SPATA22: variants seen among roughly 807,000 people sequenced by gnomAD.
SPATA22 encodes the protein spermatogenesis associated 22.
A neutral mutation model predicts 47.8 loss-of-function variants in SPATA22; 29 were observed. The ratio of observed to expected loss-of-function variants is 0.61; its 90% confidence interval spans 0.45 to 0.83. SPATA22 has a LOEUF of 0.83. Ranked by LOEUF, SPATA22 falls within the 40% of genes least tolerant of loss-of-function variation. The pLI, the probability that SPATA22 is intolerant of heterozygous loss-of-function variation, is 0.00. For missense variants in SPATA22, 410 were observed against 421.7 expected (o/e 0.97, Z 0.24); for synonymous variants, 133 against 140.9 (o/e 0.94, Z 0.40).
At chr17:3,470,942 G>A (rs943881158) in intron 1 of SPATA22, among the ~76,000 whole-genome samples, 2 of 151,574 alleles carry the variant, frequency 1.3e-5, no homozygotes, top group Admixed American at 6.6e-5. Flanking sequence ...GTCACCTGAG[G>A]TCGGGAGTTC....
intron 1 of SPATA22, among the ~76,000 whole-genome samples, chr17:3,498,128 T>C (rs1186808149): frequency 2.0e-5 from 3 of 152,192 alleles, no homozygotes; most frequent in African/African-American, 7.2e-5. Context: ...TCTCCTTGTA[T>C]GCAGGTACAA....
At chr17:3,497,591 T>C (rs1266210104) in intron 1 of SPATA22, among the ~76,000 whole-genome samples, 3 of 152,202 alleles carry the variant, frequency 2.0e-5, no homozygotes, top group South Asian at 2.1e-4. Context: ...TTATCTGAAA[T>C]GGGCCAGCCC....
At chr17:3,442,534 T>A (rs1317857508) in intron 8 of SPATA22, among the ~76,000 whole-genome samples, 1 of 151,908 alleles carries the variant, frequency 6.6e-6, no homozygotes, top group African/African-American at 2.4e-5. Context: ...TCCACACTTC[T>A]ATGTCACCAA....
intron 1 of SPATA22, among the ~76,000 whole-genome samples, chr17:3,480,041 G>C (rs1236951850): frequency 1.4e-5 from 1 of 71,548 alleles, no homozygotes; most frequent in Non-Finnish European, 3.8e-5. Flanking sequence ...CCTTTTTGGA[G>C]AGGTTAGACT....
chr17:3,476,136 A>G, upstream of SPATA22: 1 of 1,593,766 alleles, frequency 6.3e-7, no homozygotes, highest in South Asian at 1.1e-5. Context: ...AATTGCAGAA[A>G]TCAGATAAAA....
upstream of SPATA22, chr17:3,475,684 G>T (rs948508441): frequency 5.6e-6 from 1 of 177,156 alleles, no homozygotes; most frequent in Non-Finnish European, 1.2e-5. Context: ...TTTCAGAGAA[G>T]AAATGTTTTG....
chr17:3,468,739 A>C, intron 2 of SPATA22: 1 of 185,746 alleles, frequency 5.4e-6, no homozygotes, highest in Non-Finnish European at 1.0e-5. Flanking sequence ...AAATGATTAT[A>C]ATAACCTATC....
intron 1 of SPATA22, among the ~76,000 whole-genome samples, chr17:3,505,746 G>GTTTC (rs1555542088): frequency 2.2e-5 from 2 of 90,080 alleles, no homozygotes; most frequent in South Asian, 7.4e-4. Context: ...TTGTTTGTTT[G>GTTTC]TTGTTTTTTG....
intron 5 of SPATA22, among the ~76,000 whole-genome samples, chr17:3,457,588 G>A (rs888479944): frequency 2.6e-5 from 4 of 152,146 alleles, no homozygotes; most frequent in Non-Finnish European, 5.9e-5. Context: ...ATACCTAAAA[G>A]CTACAGTAAT....
At chr17:3,504,377 G>A (rs942580703) in intron 1 of SPATA22, among the ~76,000 whole-genome samples, 15 of 151,924 alleles carry the variant, frequency 9.9e-5, no homozygotes, top group African/African-American at 3.6e-4. Flanking sequence ...CAATGGCCCT[G>A]CCTTTCTTTT....
intron 1 of SPATA22, chr17:3,494,220 T>G (rs2073873134): frequency 1.4e-6 from 1 of 692,544 alleles, no homozygotes; most frequent in Non-Finnish European, 2.7e-6. Context: ...GCCAGGCTGT[T>G]CTCGAACTCC....
intron 2 of SPATA22, chr17:3,468,859 T>C: frequency 1.1e-6 from 1 of 930,252 alleles, no homozygotes; most frequent in Non-Finnish European, 1.3e-6. Flanking sequence ...TGCATCATCA[T>C]TCCCCTGGTT....
chr17:3,454,005 C>T (rs2072923967), intron 5 of SPATA22, among the ~76,000 whole-genome samples: 1 of 151,730 alleles, frequency 6.6e-6, no homozygotes, highest in South Asian at 2.1e-4. Context: ...ACTGTTAGAA[C>T]TAAAAAATGA....
intron 5 of SPATA22, among the ~76,000 whole-genome samples, chr17:3,460,296 C>T (rs2073097162): frequency 6.6e-6 from 1 of 151,860 alleles, no homozygotes; most frequent in Non-Finnish European, 1.5e-5. Flanking sequence ...TTTTTCTGTT[C>T]AAAAATAAAT....
In SPATA22 at chr17:3,485,224, A is replaced by G. The variant is rs2073698684; in HGVS notation, c.-73-15826T>C. 6.6e-6 allele frequency among the ~76,000 whole-genome samples: 1 copy of G among 152,106 alleles called. No individual in the cohort carries two copies. The highest frequency in any genetic ancestry group is 1.5e-5 in the Non-Finnish European group (1 of 68,024). ...GTAGAGACAGGATCTCAGTATGATC[A>G]GGTCTCAAACTCCTGATTCAAGCGA... On this transcript the variant is annotated intron_variant, in intron 1 of 8. Coordinates refer to the SPATA22 transcript ENST00000541913. The surrounding 1 kb of genome is among the most constrained non-coding windows in gnomAD (Gnocchi z 4.4).
rs2150764080 is a variant in SPATA22 at position 3,498,967 on chromosome 17, G to A, written c.-74+14445C>T. The A allele has an allele frequency of 6.2e-7, 1 of 1,614,088 alleles. No homozygotes were observed. The highest frequency in any genetic ancestry group is 8.5e-7 in the Non-Finnish European group (1 of 1,179,958). On this transcript the variant is annotated intron_variant, in intron 1 of 8. Transcript: ENST00000541913. ...GATGGGAAGACGATCCCACTGGGCG[G>A]AGACTGTACCGTGTACCCCGTGTTT...
chr17:3,440,423 C>CTTAAGTAGTGATAAAAGGAAGTTT, intron 8 of SPATA22, 85 bp from the exon 9 acceptor site: 1 of 1,122,526 alleles, frequency 8.9e-7, no homozygotes, highest in Non-Finnish European at 1.2e-6. Context: ...ATCAACTAAA[C>CTTAAGTAGTGATAAAAGGAAGTTT]ATGTGCCACC....
At chr17:3,463,943 C>CTCCCTCTCCCTT (rs2073199094) in intron 3 of SPATA22, among the ~76,000 whole-genome samples, 1 of 80,828 alleles carries the variant, frequency 1.2e-5, no homozygotes, top group Non-Finnish European at 2.5e-5. Context: ...CCCTCTCCCT[C>CTCCCTCTCCCTT]TCCCTCTGCC....
At chr17:3,483,384 T>A (rs2073667276) in intron 1 of SPATA22, 1 of 865,642 alleles carries the variant, frequency 1.2e-6, no homozygotes, top group Non-Finnish European at 2.0e-6. Flanking sequence ...TAAAGCTGTC[T>A]TACCAATCTT....
Sources: allele counts gnomAD v4.1 joint callset (sites outside exome capture counted in the v4.1 genomes callset), GRCh38; gene constraint gnomAD v4.1.1; non-coding constraint Gnocchi (gnomAD v3.1); transcripts MANE v1.5; gene names NCBI Gene and HGNC (gene_info 2026-07-23, HGNC 2026-07-21).